The following CREBL2 variants were observed in gnomAD, a reference collection of about 807,000 sequenced individuals.
CREBL2 encodes cAMP responsive element binding protein like 2.
CREBL2 carries 4 observed loss-of-function variants against 19.5 expected under a neutral mutation model. That is an observed-to-expected ratio of 0.20 (90% CI 0.10 to 0.47). CREBL2 has a LOEUF of 0.47. Among genes scored for constraint, CREBL2 ranks in the 20% least tolerant of loss-of-function variants. CREBL2 has a pLI of 0.98. For missense variants in CREBL2, 85 were observed against 145.1 expected, an observed-to-expected ratio of 0.59 and a Z score of 2.13; for synonymous variants, 42 against 46.6, an observed-to-expected ratio of 0.90 and a Z score of 0.40.
At chr12:12,614,701 A>G (rs1945295772) in intron 1 of CREBL2, 2 of 286,250 alleles carry the variant, frequency 7.0e-6, no homozygotes, top group Non-Finnish European at 1.4e-5. Flanking sequence ...CGTTTCTGGA[A>G]GCTGTCAGCT....
At chr12:12,628,290 C>G (rs960130556) in intron 1 of CREBL2, among the ~76,000 whole-genome samples, 21 of 152,056 alleles carry the variant, frequency 1.4e-4, no homozygotes, top group African/African-American at 5.1e-4. Context: ...TTTTCATTTG[C>G]TTATTGGCAT....
chr12:12,624,368 A>G (rs925335920), intron 1 of CREBL2, among the ~76,000 whole-genome samples: 2 of 152,212 alleles, frequency 1.3e-5, no homozygotes, highest in African/African-American at 4.8e-5. Flanking sequence ...TGGTGGGGAG[A>G]TGCACTGGGA....
chr12:12,615,225 T>C (rs2136298274), intron 1 of CREBL2, among the ~76,000 whole-genome samples: 1 of 152,304 alleles, frequency 6.6e-6, no homozygotes, highest in Admixed American at 6.5e-5. Context: ...GAGCCTGCCA[T>C]GTTGGCCAGG....
chr12:12,638,916 C>T (rs1399961889), intron 3 of CREBL2, among the ~76,000 whole-genome samples: 1 of 152,142 alleles, frequency 6.6e-6, no homozygotes, highest in African/African-American at 2.4e-5. Context: ...AGTTATGAAA[C>T]TTTTAATCAC....
At chr12:12,617,756 A>G (rs1173615658) in intron 1 of CREBL2, among the ~76,000 whole-genome samples, 3 of 144,708 alleles carry the variant, frequency 2.1e-5, no homozygotes, top group African/African-American at 7.7e-5. Context: ...AGTGGAGGGA[A>G]GGTCAGCAGA....
chr12:12,632,431 T>G (rs1026152122), intron 1 of CREBL2: 14 of 152,306 alleles, frequency 9.2e-5, no homozygotes, highest in African/African-American at 3.1e-4. Flanking sequence ...AATATTTTGC[T>G]GCCATAAAAA....
intron 1 of CREBL2, among the ~76,000 whole-genome samples, chr12:12,620,840 T>C (rs960995752): frequency 6.6e-6 from 1 of 152,186 alleles, no homozygotes. Context: ...GAACATTTTA[T>C]TGGGTGAGGC....
intron 1 of CREBL2, among the ~76,000 whole-genome samples, chr12:12,632,159 G>A (rs1465272109): frequency 8.0e-6 from 1 of 124,358 alleles, no homozygotes; most frequent in Non-Finnish European, 1.6e-5. Flanking sequence ...CTCACTGCAA[G>A]CTCCGCCTCC....
At chr12:12,637,799 G>C (rs1945486939) in intron 3 of CREBL2, 85 bp downstream of exon 3, 2 of 1,396,104 alleles carry the variant, frequency 1.4e-6, no homozygotes, top group Non-Finnish European at 1.9e-6. Context: ...CTAGCACTTT[G>C]GGAGGCCGAG....
intron 1 of CREBL2, chr12:12,615,311 C>G (rs1945301822): frequency 1.3e-5 from 2 of 151,664 alleles, no homozygotes. Context: ...CTCGGCCTCC[C>G]AGAGTGCTGA....
chr12:12,627,512 A>G (rs1344342117), intron 1 of CREBL2, among the ~76,000 whole-genome samples: 1 of 152,232 alleles, frequency 6.6e-6, no homozygotes, highest in East Asian at 1.9e-4. Context: ...TTCACTTAGC[A>G]TAATGCTTTC....
chr12:12,620,823 T>C (rs1389449997), intron 1 of CREBL2, among the ~76,000 whole-genome samples: 1 of 152,244 alleles, frequency 6.6e-6, no homozygotes, highest in Non-Finnish European at 1.5e-5. Context: ...TTGTAACTGT[T>C]CTCAGGGAAC....
At chr12:12,635,677 C>T (rs760654496) in intron 1 of CREBL2, 100 bp from the exon 2 acceptor site, 46 of 1,379,472 alleles carry the variant, frequency 3.3e-5, no homozygotes, top group South Asian at 5.8e-5. Flanking sequence ...GCTTCACTCA[C>T]GTTTTGTTTA....
chr12:12,640,898 A>ATT (rs796498935), intron 3 of CREBL2, among the ~76,000 whole-genome samples: 2 of 151,946 alleles, frequency 1.3e-5, no homozygotes, highest in Non-Finnish European at 2.9e-5. Flanking sequence ...CAATTTATCT[A>ATT]TTTTTGTTTT....
In CREBL2 at chr12:12,642,234, A is replaced by G. The variant is rs1346000907; in HGVS notation, c.*236A>G. 2 of 368,668 alleles carry G rather than the reference A, an allele frequency of 5.4e-6. No individual in the cohort carries two copies. Among genetic ancestry groups the G allele is most frequent in the Non-Finnish European group, 9.8e-6 (2 of 204,664 alleles). The allele number at this position is 368,668 out of a possible 1,614,324, so 22.8% of individuals were successfully genotyped here. ...CCTGTCTGGGTTGGTATTGCCACCC[A>G]TGACATTTAACATGTTGTGATGCTT... On this transcript the variant is annotated 3_prime_UTR_variant, in exon 4 of 4. Transcript: ENST00000228865.
chr12:12,615,164 G>A (rs1338021688), intron 1 of CREBL2, among the ~76,000 whole-genome samples: 2 of 152,126 alleles, frequency 1.3e-5, no homozygotes, highest in African/African-American at 2.4e-5. Flanking sequence ...ACAGGTGCAT[G>A]CCACCACAAC....
intron 1 of CREBL2, among the ~76,000 whole-genome samples, chr12:12,619,804 G>A (rs192987273): frequency 6.6e-6 from 1 of 152,290 alleles, no homozygotes; most frequent in Admixed American, 6.5e-5. Flanking sequence ...ACTGATGCAG[G>A]AGTGGGCCAA....
chr12:12,619,859 A>G (rs1356917584), intron 1 of CREBL2, among the ~76,000 whole-genome samples: 1 of 152,084 alleles, frequency 6.6e-6, no homozygotes, highest in African/African-American at 2.4e-5. Context: ...TTCCCTCCAC[A>G]CTTCTTTTCT....
chr12:12,638,563 A>C (rs1383489927), intron 3 of CREBL2, among the ~76,000 whole-genome samples: 1 of 152,142 alleles, frequency 6.6e-6, no homozygotes, highest in African/African-American at 2.4e-5. Context: ...CATAAATGGG[A>C]GTGGCACGAA....
Sources: gnomAD v4.1 joint callset for allele counts (sites outside exome capture counted in the v4.1 genomes callset) on GRCh38, gnomAD v4.1.1 for gene constraint, MANE v1.5 for transcripts, NCBI Gene and HGNC (gene_info 2026-07-23, HGNC 2026-07-21) for gene names.